Variants in TIAM1 observed in about 807,000 individuals in gnomAD.
TIAM1 encodes the protein rho guanine nucleotide exchange factor TIAM1.
TIAM1 carries 65 observed loss-of-function variants against 163.5 expected under a neutral mutation model. The observed-to-expected ratio is 0.40, with a 90% CI of 0.33 to 0.49. The LOEUF is 0.49. TIAM1 is among the 20% of genes least tolerant of loss of function. The pLI, the probability that TIAM1 is intolerant of heterozygous loss-of-function variation, is 0.77. For missense variants in TIAM1, 1,789 were observed against 2,044.7 expected (o/e 0.87, Z 2.41); for synonymous variants, 833 against 810.1 (o/e 1.03, Z -0.48).
At chr21:31,265,405 T>C (rs577536952) in intron 4 of TIAM1, among the ~76,000 whole-genome samples, 48 of 151,964 alleles carry the variant, frequency 3.2e-4, no homozygotes, top group Non-Finnish European at 6.0e-4. Flanking sequence ...AAAGTAAGAA[T>C]TGGAAGCCAC....
chr21:31,252,158 G>C lies in TIAM1; in HGVS notation c.995C>G (p.Ala332Gly). The change falls in exon 5 of 28, where the codon GCA becomes GGA. Residue 332 changes from alanine to glycine, a missense_variant. This residue lies in a region of TIAM1 where 555 missense variants were observed against 564.9 expected (regional missense o/e 0.98). Transcript: ENST00000541036. ...AGTGGCCCCTTCAATCCCACTGTCT[G>C]CAAACTCACTGCCCTCGCCTGCATT... ...DVNAGEGSEF[A>G]DSGIEGATTD... The C allele has an allele frequency of 6.2e-7, 1 of 1,609,416 alleles. No homozygotes were observed. Among genetic ancestry groups the C allele is most frequent in the Non-Finnish European group, 8.5e-7 (1 of 1,179,974 alleles).
intron 11 of TIAM1, among the ~76,000 whole-genome samples, chr21:31,203,449 G>A (rs1032978295): frequency 1.8e-4 from 28 of 152,198 alleles, no homozygotes; most frequent in African/African-American, 4.6e-4. Flanking sequence ...CTGAATGGGG[G>A]TATAAAGTTT....
At chr21:31,403,563 T>G (rs1180031154) in intron 2 of TIAM1, among the ~76,000 whole-genome samples, 10 of 152,180 alleles carry the variant, frequency 6.6e-5, no homozygotes, top group African/African-American at 4.8e-5. Context: ...GCTATTCAGG[T>G]AGCGCTACAG....
At chr21:31,449,117 A>G (rs974055062) in intron 2 of TIAM1, among the ~76,000 whole-genome samples, 3 of 151,892 alleles carry the variant, frequency 2.0e-5, no homozygotes, top group Non-Finnish European at 4.4e-5. Context: ...GGCACACACC[A>G]CCACATCCAG....
chr21:31,213,371 GAA>G lies in TIAM1; in HGVS notation c.2217+25_2217+26del, dbSNP rs750204407. The G allele has an allele frequency of 1.2e-4, 187 of 1,594,216 alleles. 1 individual carries two copies. The South Asian group carries it at 2.0e-3, about 17-fold the overall frequency. Reference sequence around the variant, plus strand: ...TGTTGATGCACTTGTGGTACTTTTAGAAAAGAAAACACACGTTTATTTTTACC... The same window carrying G: ...TGTTGATGCACTTGTGGTACTTTTAGAAGAAAACACACGTTTATTTTTACC... On this transcript the variant is annotated intron_variant, in intron 10 of 27. Coordinates refer to ENST00000541036, the MANE Select transcript of TIAM1 (RefSeq NM_001353694.2).
intron 2 of TIAM1, among the ~76,000 whole-genome samples, chr21:31,311,189 A>G (rs1316989061): frequency 6.6e-6 from 1 of 150,884 alleles, no homozygotes; most frequent in Non-Finnish European, 1.5e-5. Flanking sequence ...TTTTTGTCAA[A>G]TTTGGAGGAA....
intron 1 of TIAM1, among the ~76,000 whole-genome samples, chr21:31,529,807 C>T (rs929766697): frequency 2.0e-5 from 3 of 152,164 alleles, no homozygotes; most frequent in African/African-American, 4.8e-5. Flanking sequence ...CACCTCATGC[C>T]CCCTTCCTCT....
chr21:31,154,429 T>G lies in TIAM1; in HGVS notation c.2992-3A>C. On this transcript the variant is annotated splice_polypyrimidine_tract_variant and splice_region_variant and intron_variant, in intron 16 of 27. Coordinates refer to ENST00000541036, the MANE Select transcript of TIAM1 (RefSeq NM_001353694.2). ...AATGCGGCCACCTGTTCTGTACTCT[T>G]CGGAGCACAGGGGGGAAGGGAAGGC... is the stretch of plus-strand genomic sequence containing the variant. 1 of 1,612,058 alleles carries G rather than the reference T, an allele frequency of 6.2e-7. No individual in the cohort carries two copies. Among genetic ancestry groups the G allele is most frequent in the Non-Finnish European group, 8.5e-7 (1 of 1,178,664 alleles).
intron 2 of TIAM1, among the ~76,000 whole-genome samples, chr21:31,433,200 T>C (rs1054103906): frequency 1.3e-5 from 2 of 152,238 alleles, no homozygotes; most frequent in Non-Finnish European, 2.9e-5. Context: ...CAAGCCTTCC[T>C]AGATTTGATC....
rs760273681 is a variant in TIAM1 at position 31,252,014 on chromosome 21, C to T, written c.1139G>A (p.Arg380His). The T allele has an allele frequency of 1.4e-5, 23 of 1,613,834 alleles. No homozygotes were observed. The South Asian group carries it at 1.4e-4, about 10-fold the overall frequency. ...SGSSSTGDAA[R>H]QGVYENFRRE... ...CCGGAAGTTCTCGTACACCCCCTGA[C>T]GAGCCGCATCCCCGGTGGAGCTGCT... Residue 380 changes from arginine to histidine, a missense_variant, in exon 5 of 28, where the codon CGT (arginine) becomes CAT (histidine). This residue lies in a region of TIAM1 where 555 missense variants were observed against 564.9 expected (regional missense o/e 0.98). Transcript: ENST00000541036.
chr21:31,466,820 T>C (rs555287083), intron 1 of TIAM1, among the ~76,000 whole-genome samples: 1 of 152,260 alleles, frequency 6.6e-6, no homozygotes, highest in East Asian at 1.9e-4. Context: ...CAAGCTACCG[T>C]ACAATAAGGG....
intron 2 of TIAM1, among the ~76,000 whole-genome samples, chr21:31,302,611 C>A (rs757247444): frequency 9.2e-5 from 14 of 152,184 alleles, no homozygotes; most frequent in Non-Finnish European, 2.1e-4. Flanking sequence ...TCCAAACGCA[C>A]AACACTACAC....
At chr21:31,452,462 C>T (rs1362405926) in intron 2 of TIAM1, 7 of 497,786 alleles carry the variant, frequency 1.4e-5, no homozygotes, top group Middle Eastern at 6.6e-4. Context: ...AGGTTATAAG[C>T]GCCATGGCTA....
At chr21:31,149,661 C>T (rs982163432) in intron 19 of TIAM1, among the ~76,000 whole-genome samples, 1 of 152,148 alleles carries the variant, frequency 6.6e-6, no homozygotes, top group Non-Finnish European at 1.5e-5. Context: ...TAGGTTAAAA[C>T]GTAGTATTTT....
chr21:31,242,873 A>AG (rs1369228136), intron 6 of TIAM1, among the ~76,000 whole-genome samples: 13 of 148,156 alleles, frequency 8.8e-5, no homozygotes, highest in East Asian at 1.9e-4. Context: ...AAAAAAAAAA[A>AG]AAAAAAGAAA....
At chr21:31,294,119 A>C (rs945650260) in intron 2 of TIAM1, among the ~76,000 whole-genome samples, 3 of 152,158 alleles carry the variant, frequency 2.0e-5, no homozygotes, top group African/African-American at 7.2e-5. Context: ...GCAAGTCCTC[A>C]ATTCCAATGC....
Position 31,541,330 on chromosome 21 carries a change from G to T in TIAM1, c.-422+17597C>A, listed in dbSNP as rs558673229. ...AAGTTAGCCAGGTGTGGTGGTGCCC[G>T]CCTGTAGTCCCAGCTACCCGGAAGA... On this transcript the variant is annotated intron_variant, in intron 1 of 28. Transcript: ENST00000286827. Among the ~76,000 whole-genome samples, 4 of 152,124 alleles carry T rather than the reference G, an allele frequency of 2.6e-5. No individual in the cohort carries two copies. The East Asian group carries it at 7.7e-4, about 29-fold the overall frequency.
intron 1 of TIAM1, among the ~76,000 whole-genome samples, chr21:31,465,477 G>T (rs1224836529): frequency 6.6e-6 from 1 of 152,066 alleles, no homozygotes; most frequent in African/African-American, 2.4e-5. Flanking sequence ...AGCTGAGGCA[G>T]ATTTCAGCCC....
At chr21:31,366,109 A>AG (rs1318415461) in intron 2 of TIAM1, among the ~76,000 whole-genome samples, 2 of 141,150 alleles carry the variant, frequency 1.4e-5, no homozygotes, top group Admixed American at 7.1e-5. Context: ...AAAAAAAAAA[A>AG]GTGTGACTTG....
Sources: gnomAD v4.1 joint callset for allele counts (sites outside exome capture counted in the v4.1 genomes callset) on GRCh38, gnomAD v4.1.1 for gene constraint, gnomAD v4.1.1 regional missense constraint, MANE v1.5 for transcripts, NCBI Gene and HGNC (gene_info 2026-07-23, HGNC 2026-07-21) for gene names.